Variants in ERO1A observed in about 807,000 individuals in gnomAD.
The protein encoded by ERO1A is ERO1-like protein alpha.
ERO1A carries 49 observed loss-of-function variants against 76.9 expected under a neutral mutation model. That is an observed-to-expected ratio of 0.64 (90% CI 0.51 to 0.81). The LOEUF is 0.81. Ranked by LOEUF, ERO1A falls within the 30% of genes least tolerant of loss-of-function variation. The pLI is 0.00. For missense variants in ERO1A, 448 were observed against 542.1 expected (o/e 0.83, Z 1.72); for synonymous variants, 174 against 181.2 (o/e 0.96, Z 0.32).
chr14:52,655,413 A>G (rs1402194948), intron 11 of ERO1A, among the ~76,000 whole-genome samples: 4 of 152,210 alleles, frequency 2.6e-5, no homozygotes, highest in African/African-American at 9.6e-5. Context: ...CTAATTTGCT[A>G]GAAAATATAT....
rs963942327 is a variant in ERO1A, at chr14:52,695,472, C to T, written c.10G>A (p.Gly4Ser). Residue 4 changes from glycine (G) to serine (S), a missense_variant, in exon 1 of 16, where the codon GGC (glycine) becomes AGC (serine). Physicochemically the swap from Gly to Ser is moderately conservative, Grantham distance 56. Transcript: ENST00000395686. MGR[G>S]WGFLFGLLGA... ...AGGAGGCCAAACAAGAATCCCCAGC[C>T]GCGGCCCATTGCAGCTCCGGCAGCT... 8 of 1,525,856 alleles carry T rather than the reference C, an allele frequency of 5.2e-6. No individual in the cohort carries two copies. The highest frequency in any genetic ancestry group is 4.2e-5 in the African/African-American group (3 of 70,746). The allele number at this position is 1,525,856 out of a possible 1,614,324, so 94.5% of individuals were successfully genotyped here.
chr14:52,685,808 C>T (rs1480924765), intron 1 of ERO1A, among the ~76,000 whole-genome samples: 6 of 152,194 alleles, frequency 3.9e-5, no homozygotes, highest in African/African-American at 1.4e-4. Flanking sequence ...CAAGACACTC[C>T]ACACACTATT....
intron 8 of ERO1A, among the ~76,000 whole-genome samples, chr14:52,662,316 TCAC>T (rs2040258396): frequency 6.6e-6 from 1 of 152,170 alleles, no homozygotes; most frequent in African/African-American, 2.4e-5. Context: ...TTCCACTGAG[TCAC>T]CACATGTGAC....
intron 7 of ERO1A, among the ~76,000 whole-genome samples, chr14:52,665,173 G>A (rs936573126): frequency 1.3e-5 from 2 of 151,574 alleles, no homozygotes; most frequent in East Asian, 2.0e-4. Flanking sequence ...GTGGTGGCGT[G>A]TGCCTGTAGT....
chr14:52,678,341 G>C, intron 4 of ERO1A, 93 bp downstream of exon 4: 1 of 923,088 alleles, frequency 1.1e-6, no homozygotes, highest in Admixed American at 2.1e-5. Context: ...TTCACCACTG[G>C]AAGCAGATAA....
At chr14:52,656,217 C>T (rs1313351905) in intron 11 of ERO1A, among the ~76,000 whole-genome samples, 1 of 152,038 alleles carries the variant, frequency 6.6e-6, no homozygotes, top group Non-Finnish European at 1.5e-5. Context: ...TTTAGAATCC[C>T]TTTGTAAGTG....
chr14:52,694,806 A>G (rs1714745074), intron 1 of ERO1A, among the ~76,000 whole-genome samples: 1 of 152,184 alleles, frequency 6.6e-6, no homozygotes. Context: ...TTCGAGAAAA[A>G]GAGCACACAG....
chr14:52,652,101 G>A (rs180699467), intron 13 of ERO1A, 138 bp downstream of exon 13: 248 of 446,796 alleles, frequency 5.6e-4, no homozygotes, highest in Admixed American at 8.5e-4. Flanking sequence ...CAAAGTGCTG[G>A]AATTACAGGC....
intron 11 of ERO1A, among the ~76,000 whole-genome samples, chr14:52,656,719 A>G (rs910422933): frequency 3.3e-5 from 5 of 151,850 alleles, no homozygotes; most frequent in African/African-American, 7.3e-5. Context: ...CTCAAAAAAA[A>G]AAAAAAAAAA....
At chr14:52,678,186 C>G (rs923576128) in intron 4 of ERO1A, 1 of 283,626 alleles carries the variant, frequency 3.5e-6, no homozygotes, top group African/African-American at 2.2e-5. Context: ...ATCGCTTGAA[C>G]CGGGGAGGCG....
At chr14:52,685,492 G>A (rs947801354) in intron 1 of ERO1A, among the ~76,000 whole-genome samples, 1 of 152,096 alleles carries the variant, frequency 6.6e-6, no homozygotes, top group Non-Finnish European at 1.5e-5. Flanking sequence ...AACCTTAAGA[G>A]CAGAACTTCT....
At position 52,653,053 on chromosome 14, in the gene ERO1A, TTAA is replaced by T. The variant is rs1478301558; in HGVS notation, c.1055+13_1055+15del. ...TCACTCTTCTATTAATGTATAAAGT[TTAA>T]TATATAATTTACTTGATTTCATGAA... On this transcript the variant is annotated intron_variant, in intron 12 of 15. Transcript: ENST00000395686. 6.8e-7 allele frequency: 1 copy of T among 1,471,558 alleles called. No homozygotes were observed. The allele number at this position is 1,471,558 out of a possible 1,614,324, so 91.2% of individuals were successfully genotyped here. A position where few individuals can be genotyped will look rare whatever the true frequency, so the allele number is the denominator to read the frequency against.
At chr14:52,694,509 T>C (rs1164355244) in intron 1 of ERO1A, among the ~76,000 whole-genome samples, 2 of 152,188 alleles carry the variant, frequency 1.3e-5, no homozygotes, top group African/African-American at 2.4e-5. Flanking sequence ...AAAATCCACT[T>C]AGGAATAACA....
chr14:52,685,737 GA>G (rs2041155459), intron 1 of ERO1A, among the ~76,000 whole-genome samples: 3 of 152,062 alleles, frequency 2.0e-5, no homozygotes, highest in Admixed American at 2.0e-4. Flanking sequence ...CCTTTTTCAG[GA>G]AGCTGTCCTT....
chr14:52,671,436 CTT>C, intron 6 of ERO1A, 192 bp downstream of exon 6: 2 of 423,974 alleles, frequency 4.7e-6, no homozygotes, highest in Non-Finnish European at 8.4e-6. Flanking sequence ...TCTTTAATAA[CTT>C]TTTTCTGAGA....
rs1387008052 is a variant in ERO1A at position 52,641,863 on chromosome 14, A to G, written c.*1707T>C. ...TTACTTCTGTGATTATTCATTTAAA[A>G]TATACTGAATACATATGCATACATT... On this transcript the variant is annotated 3_prime_UTR_variant, in exon 16 of 16. Transcript: ENST00000395686. 3 of 152,250 alleles carry G rather than the reference A, an allele frequency of 2.0e-5. No homozygotes were observed. The highest frequency in any genetic ancestry group is 7.2e-5 in the African/African-American group (3 of 41,472). 9.4% of individuals were successfully genotyped at this position (152,250 alleles called of 1,614,324 possible). A position where few individuals can be genotyped will look rare whatever the true frequency, so the allele number is the denominator to read the frequency against.
chr14:52,679,397 A>G (rs1376658889), intron 3 of ERO1A, among the ~76,000 whole-genome samples: 1 of 150,232 alleles, frequency 6.7e-6, no homozygotes, highest in Non-Finnish European at 1.5e-5. Context: ...ATATTTTTAG[A>G]TGGATAAATA....
chr14:52,652,433 G>T, intron 12 of ERO1A, 125 bp from the exon 13 acceptor site: 1 of 597,514 alleles, frequency 1.7e-6, no homozygotes. Context: ...ACACTCCGAT[G>T]CCCCAAATCA....
chr14:52,643,690 T>G (rs1305658589), intron 15 of ERO1A, 60 bp from the exon 16 acceptor site: 1 of 879,074 alleles, frequency 1.1e-6, no homozygotes, highest in African/African-American at 1.8e-5. Context: ...CTGTAAAAGT[T>G]ATTCACTTTG....
Sources: allele counts gnomAD v4.1 joint callset (sites outside exome capture counted in the v4.1 genomes callset), GRCh38; gene constraint gnomAD v4.1.1; transcripts MANE v1.5; gene names NCBI Gene and HGNC (gene_info 2026-07-23, HGNC 2026-07-21).